TRPC1: variants seen among roughly 807,000 people sequenced by gnomAD.
TRPC1 encodes the protein transient receptor potential cation channel subfamily C member 1, also known as short transient receptor potential channel 1.
TRPC1 carries 42 observed loss-of-function variants against 88.2 expected under a neutral mutation model. The observed-to-expected ratio is 0.48, with a 90% CI of 0.37 to 0.62. TRPC1 has a LOEUF of 0.62. Ranked by LOEUF, TRPC1 falls within the 20% of genes least tolerant of loss-of-function variation. The pLI is 0.00. For missense variants in TRPC1, 699 were observed against 957.3 expected, an observed-to-expected ratio of 0.73 and a Z score of 3.56; for synonymous variants, 288 against 331.8, an observed-to-expected ratio of 0.87 and a Z score of 1.43.
intron 6 of TRPC1, 70 bp downstream of exon 6, chr3:142,781,099 T>G: frequency 7.8e-7 from 1 of 1,278,226 alleles, no homozygotes; most frequent in Non-Finnish European, 1.0e-6. Context: ...GGCAAAGGCT[T>G]TGGAGTAACT....
chr3:142,802,734 TC>T (rs1936661069), intron 10 of TRPC1, among the ~76,000 whole-genome samples: 1 of 152,080 alleles, frequency 6.6e-6, no homozygotes, highest in Admixed American at 6.6e-5. Context: ...GCTCACAGCT[TC>T]AACACTTTTT....
At chr3:142,741,193 T>C (rs993518104) in intron 2 of TRPC1, among the ~76,000 whole-genome samples, 3 of 151,656 alleles carry the variant, frequency 2.0e-5, no homozygotes, top group South Asian at 2.1e-4. Flanking sequence ...TAACTATGTA[T>C]TTTTAAAATA....
chr3:142,785,801 G>A (rs1936116789), intron 7 of TRPC1, among the ~76,000 whole-genome samples: 2 of 152,078 alleles, frequency 1.3e-5, no homozygotes, highest in South Asian at 4.1e-4. Flanking sequence ...GCCCGGCCTA[G>A]AACCTATGAA....
chr3:142,791,919 G>T (rs933868176), intron 8 of TRPC1, among the ~76,000 whole-genome samples: 2 of 151,966 alleles, frequency 1.3e-5, no homozygotes, highest in African/African-American at 4.8e-5. Context: ...GTAACAAATT[G>T]TGTGTTAACT....
intron 4 of TRPC1, among the ~76,000 whole-genome samples, chr3:142,772,211 T>C (rs1027507411): frequency 2.0e-5 from 3 of 152,190 alleles, no homozygotes; most frequent in Non-Finnish European, 4.4e-5. Context: ...TTCAAGAAAT[T>C]TGGGAAGTTG....
chr3:142,727,199 T>G (rs555895339), intron 1 of TRPC1, among the ~76,000 whole-genome samples: 6 of 152,320 alleles, frequency 3.9e-5, no homozygotes, highest in African/African-American at 1.4e-4. Flanking sequence ...CAATGAAGGG[T>G]AAAAAGCAAG....
At chr3:142,781,830 G>A (rs947311771) in intron 6 of TRPC1, among the ~76,000 whole-genome samples, 1 of 152,038 alleles carries the variant, frequency 6.6e-6, no homozygotes, top group Non-Finnish European at 1.5e-5. Flanking sequence ...TAACATAGAT[G>A]TTTAAATAAA....
At chr3:142,737,673 TG>T (rs946718023) in intron 2 of TRPC1, among the ~76,000 whole-genome samples, 14 of 151,972 alleles carry the variant, frequency 9.2e-5, no homozygotes, top group African/African-American at 3.4e-4. Context: ...AAATGAGGAG[TG>T]GTACCTCCGA....
chr3:142,772,007 C>A (rs1212604997), intron 4 of TRPC1, among the ~76,000 whole-genome samples: 1 of 152,130 alleles, frequency 6.6e-6, no homozygotes, highest in Non-Finnish European at 1.5e-5. Context: ...TGCCTTCTGG[C>A]ATCTGTTTCT....
chr3:142,730,380 C>T (rs1933850764), intron 1 of TRPC1, among the ~76,000 whole-genome samples: 1 of 152,044 alleles, frequency 6.6e-6, no homozygotes, highest in South Asian at 2.1e-4. Flanking sequence ...TAATGGTCCT[C>T]ATTAAGATTC....
intron 6 of TRPC1, among the ~76,000 whole-genome samples, chr3:142,782,144 C>T (rs941658637): frequency 5.3e-5 from 8 of 151,830 alleles, no homozygotes; most frequent in Non-Finnish European, 8.8e-5. Flanking sequence ...CAAAGAAAGG[C>T]GTAAAGAACT....
intron 1 of TRPC1, among the ~76,000 whole-genome samples, chr3:142,733,777 A>G (rs1225594802): frequency 6.6e-6 from 1 of 152,234 alleles, no homozygotes; most frequent in Non-Finnish European, 1.5e-5. Context: ...ACATCCAGTT[A>G]AATGAACAGC....
chr3:142,765,192 A>G (rs1056745267), intron 4 of TRPC1, among the ~76,000 whole-genome samples: 1 of 152,194 alleles, frequency 6.6e-6, no homozygotes, highest in Non-Finnish European at 1.5e-5. Flanking sequence ...CAAATGGAGA[A>G]ACAGTCCATG....
intron 2 of TRPC1, among the ~76,000 whole-genome samples, chr3:142,737,513 T>C (rs1934188023): frequency 6.6e-6 from 1 of 152,054 alleles, no homozygotes; most frequent in African/African-American, 2.4e-5. Flanking sequence ...TGCCATGAAG[T>C]TTACAGATTA....
intron 2 of TRPC1, among the ~76,000 whole-genome samples, chr3:142,741,054 T>A (rs998486578): frequency 2.6e-5 from 4 of 152,090 alleles, no homozygotes; most frequent in Admixed American, 2.0e-4. Context: ...GTTGAAAAGA[T>A]AAATTCTAAG....
chr3:142,798,900 T>C (rs1312325327), intron 9 of TRPC1, among the ~76,000 whole-genome samples: 2 of 152,198 alleles, frequency 1.3e-5, no homozygotes, highest in Admixed American at 1.3e-4. Context: ...CTTTCCCTTA[T>C]CAGAGATTTA....
At chr3:142,734,905 C>T (rs1420986179) in intron 1 of TRPC1, among the ~76,000 whole-genome samples, 1 of 152,198 alleles carries the variant, frequency 6.6e-6, no homozygotes, top group Non-Finnish European at 1.5e-5. Context: ...CATTCTACTA[C>T]TAAGATGTTG....
rs1218194019 is a variant in TRPC1 at position 142,804,051 on chromosome 3, T to G, written c.1832T>G (p.Phe611Cys). ...CATGTGGCAATCTTTGTCACAAGAT[T>G]TAGCTATGGAGAAGAACTGCAGTCC... ...LAHVAIFVTR[F>C]SYGEELQSFV... Residue 611 changes from phenylalanine (F) to cysteine (C), a missense_variant, in exon 11 of 13, where the codon TTT becomes TGT. Physicochemically the swap from Phe to Cys is radical, Grantham distance 205. Transcript: ENST00000476941. 6.2e-7 allele frequency: 1 copy of G among 1,613,864 alleles called. No homozygotes were observed. The highest frequency in any genetic ancestry group is 2.2e-5 in the East Asian group (1 of 44,848).
rs532287431 is a variant in TRPC1 at position 142,777,087 on chromosome 3, G to A, written c.633-545G>A. On this transcript the variant is annotated intron_variant, in intron 4 of 12. Coordinates refer to ENST00000476941, the MANE Select transcript of TRPC1 (RefSeq NM_001251845.2). The stretch of plus-strand genomic sequence containing the variant: ...AGCACTTTGGGAGGCCAAGATGGGA[G>A]GATAACTTGAGGCCAGGAGCTTAAG... Among the ~76,000 whole-genome samples, 3 of 152,224 alleles carry A rather than the reference G, an allele frequency of 2.0e-5. No individual in the cohort carries two copies. The South Asian group carries it at 6.2e-4, about 32-fold the overall frequency.
Sources: allele counts gnomAD v4.1 joint callset (sites outside exome capture counted in the v4.1 genomes callset), GRCh38; gene constraint gnomAD v4.1.1; transcripts MANE v1.5; gene names NCBI Gene and HGNC (gene_info 2026-07-23, HGNC 2026-07-21).